The following PTPRN2 variants were observed in gnomAD, a reference collection of about 807,000 sequenced individuals.
PTPRN2 encodes the protein receptor-type tyrosine-protein phosphatase N2.
PTPRN2 carries 74 observed loss-of-function variants against 118.8 expected under a neutral mutation model. The ratio of observed to expected loss-of-function variants is 0.62; its 90% CI spans 0.52 to 0.76. PTPRN2 has a LOEUF of 0.76. PTPRN2 is among the 30% of genes least tolerant of loss of function. The pLI is 0.00. For missense variants in PTPRN2, 1,481 were observed against 1,394.4 expected (o/e 1.06, Z -0.99); for synonymous variants, 641 against 608.0 (o/e 1.05, Z -0.80).
chr7:157,810,944 G>A (rs992651068), intron 12 of PTPRN2, among the ~76,000 whole-genome samples: 1 of 152,102 alleles, frequency 6.6e-6, no homozygotes, highest in African/African-American at 2.4e-5. Flanking sequence ...GGTAGGAGAT[G>A]TCTTTGAAGT....
rs554658541 is a variant in PTPRN2, at chr7:158,121,495, C to T, written c.1557-10580G>A. 1.1e-4 allele frequency among the ~76,000 whole-genome samples: 16 copies of T among 152,340 alleles called. No homozygotes were observed. The South Asian group carries it at 3.1e-3, about 30-fold the overall frequency. Reference sequence around the variant, plus strand: ...TTGTTTCTTCCAAGCCTACTGCCCCCTGCGGAGCATAAGCCAACTTCCCAA... The same window carrying T: ...TTGTTTCTTCCAAGCCTACTGCCCCTTGCGGAGCATAAGCCAACTTCCCAA... On this transcript the variant is annotated intron_variant, in intron 9 of 22. Transcript: ENST00000389418.
At chr7:158,082,273 G>A (rs1334460146) in intron 10 of PTPRN2, among the ~76,000 whole-genome samples, 10 of 152,168 alleles carry the variant, frequency 6.6e-5, no homozygotes, top group Non-Finnish European at 1.5e-5. Flanking sequence ...GTCCCTTGCT[G>A]TCCCCACTGC....
At chr7:157,908,257 C>T (rs1435564735) in intron 11 of PTPRN2, among the ~76,000 whole-genome samples, 1 of 152,244 alleles carries the variant, frequency 6.6e-6, no homozygotes, top group African/African-American at 2.4e-5. Context: ...GCATGATGTC[C>T]CCTGCGCCCA....
intron 1 of PTPRN2, among the ~76,000 whole-genome samples, chr7:158,523,196 G>T (rs1271571298): frequency 6.6e-6 from 1 of 152,132 alleles, no homozygotes; most frequent in Non-Finnish European, 1.5e-5. Context: ...TTGCAGCCAG[G>T]TTGGGGTCTG....
At chr7:158,000,277 G>A (rs1333552774) in intron 11 of PTPRN2, among the ~76,000 whole-genome samples, 1 of 152,106 alleles carries the variant, frequency 6.6e-6, no homozygotes, top group African/African-American at 2.4e-5. Flanking sequence ...CCCCAGTCAG[G>A]GGAATAACCA....
intron 11 of PTPRN2, among the ~76,000 whole-genome samples, chr7:158,059,217 A>G (rs1370218020): frequency 8.4e-6 from 1 of 119,740 alleles, no homozygotes; most frequent in Non-Finnish European, 1.6e-5. Context: ...CCACAGTGAG[A>G]CATCACTGCA....
intron 11 of PTPRN2, among the ~76,000 whole-genome samples, chr7:157,957,420 C>T (rs1369404276): frequency 6.6e-6 from 1 of 152,082 alleles, no homozygotes; most frequent in African/African-American, 2.4e-5. Context: ...TCCATGGAAT[C>T]AAAATGCGAT....
At chr7:157,817,815 G>A (rs530125411) in intron 12 of PTPRN2, among the ~76,000 whole-genome samples, 2 of 152,218 alleles carry the variant, frequency 1.3e-5, no homozygotes, top group South Asian at 4.1e-4. Flanking sequence ...GTGTATGTGT[G>A]CATGTTTGGT....
intron 20 of PTPRN2, among the ~76,000 whole-genome samples, chr7:157,569,784 C>T (rs1379698273): frequency 1.3e-5 from 2 of 152,238 alleles, no homozygotes; most frequent in Non-Finnish European, 2.9e-5. Context: ...CTTAAAAGTA[C>T]ATAGGGCTCG....
chr7:158,492,046 C>T (rs944539520), intron 1 of PTPRN2, among the ~76,000 whole-genome samples: 1 of 152,178 alleles, frequency 6.6e-6, no homozygotes, highest in African/African-American at 2.4e-5. Flanking sequence ...CAGATCCTCA[C>T]GCAGTGACCT....
chr7:158,341,360 A>T (rs62493630), intron 2 of PTPRN2, among the ~76,000 whole-genome samples: 19,131 of 118,228 alleles, frequency 0.16, 936 homozygotes, highest in Middle Eastern at 0.2. Context: ...AAGAGGTAAC[A>T]CATGCAGACG....
intron 6 of PTPRN2, among the ~76,000 whole-genome samples, chr7:158,149,421 T>C (rs934608351): frequency 2.0e-5 from 3 of 150,628 alleles, no homozygotes; most frequent in African/African-American, 4.9e-5. Flanking sequence ...ATGTATAAGA[T>C]GTTACCTTTT....
At chr7:157,698,149 A>G (rs1797900634) in intron 12 of PTPRN2, among the ~76,000 whole-genome samples, 1 of 152,276 alleles carries the variant, frequency 6.6e-6, no homozygotes, top group Admixed American at 6.5e-5. Context: ...AAATGTAAGC[A>G]GTGCAAATGT....
chr7:157,777,522 C>T (rs1032757106), intron 12 of PTPRN2, among the ~76,000 whole-genome samples: 3 of 152,184 alleles, frequency 2.0e-5, no homozygotes, highest in Non-Finnish European at 4.4e-5. Flanking sequence ...CCCCACACTG[C>T]TAAGCTCAGG....
intron 11 of PTPRN2, among the ~76,000 whole-genome samples, chr7:158,001,395 C>G (rs1201538220): frequency 6.6e-6 from 1 of 152,016 alleles, no homozygotes; most frequent in Non-Finnish European, 1.5e-5. Context: ...GAATGGGAAG[C>G]TGGAGCCTTA....
chr7:158,337,385 AG>A, intron 2 of PTPRN2, among the ~76,000 whole-genome samples: 1 of 105,892 alleles, frequency 9.4e-6, no homozygotes, highest in East Asian at 3.0e-4. Flanking sequence ...TCTCACCATA[AG>A]AGGTAACACC....
intron 1 of PTPRN2, among the ~76,000 whole-genome samples, chr7:158,556,593 A>G (rs1371641986): frequency 1.3e-5 from 2 of 152,332 alleles, no homozygotes; most frequent in Non-Finnish European, 2.9e-5. Flanking sequence ...TAAGTTATAT[A>G]AATAGATGTT....
At chr7:157,895,988 G>A (rs1797088253) in intron 12 of PTPRN2, among the ~76,000 whole-genome samples, 1 of 152,014 alleles carries the variant, frequency 6.6e-6, no homozygotes, top group Non-Finnish European at 1.5e-5. Flanking sequence ...GTCAAGAAGG[G>A]GCCTGAGTGA....
At chr7:158,006,012 AGG>A (rs1805609743) in intron 11 of PTPRN2, among the ~76,000 whole-genome samples, 1 of 152,210 alleles carries the variant, frequency 6.6e-6, no homozygotes, top group Non-Finnish European at 1.5e-5. Context: ...TCTGATGGAA[AGG>A]TGGTACTAGC....
Sources: gnomAD v4.1 joint callset for allele counts (sites outside exome capture counted in the v4.1 genomes callset) on GRCh38, gnomAD v4.1.1 for gene constraint, MANE v1.5 for transcripts, NCBI Gene and HGNC (gene_info 2026-07-23, HGNC 2026-07-21) for gene names.